The following SZT2 variants were observed in gnomAD, a reference collection of about 807,000 sequenced individuals.
SZT2 encodes the protein SZT2 subunit of KICSTOR complex, also known as KICSTOR complex protein SZT2.
SZT2 carries 216 observed loss-of-function variants against 404.2 expected under a neutral mutation model. That is an observed-to-expected ratio of 0.53 (90% CI 0.48 to 0.60). The LOEUF is 0.60. Ranked by LOEUF, SZT2 falls within the 20% of genes least tolerant of loss-of-function variation. SZT2 has a pLI of 0.00. For synonymous variants in SZT2, 1,693 were observed against 1,749.9 expected, an observed-to-expected ratio of 0.97 and a Z score of 0.81; for missense variants, 3,857 against 4,459.2, an observed-to-expected ratio of 0.86 and a Z score of 3.85.
intron 1 of SZT2, among the ~76,000 whole-genome samples, chr1:43,391,182 C>T (rs1004525685): frequency 2.6e-5 from 4 of 152,094 alleles, no homozygotes; most frequent in East Asian, 1.9e-4. Flanking sequence ...AGCATGGTGG[C>T]GCAGGCCTGT....
At chr1:43,416,911 G>C (rs1423357891) in intron 7 of SZT2, among the ~76,000 whole-genome samples, 1 of 152,154 alleles carries the variant, frequency 6.6e-6, no homozygotes. Flanking sequence ...ACCTCCCCTT[G>C]TAGATTAGTC....
At chr1:43,431,999 T>C (rs1653950381) in intron 36 of SZT2, 98 bp downstream of exon 36, 3 of 1,389,412 alleles carry the variant, frequency 2.2e-6, no homozygotes, top group Admixed American at 1.8e-5. Flanking sequence ...TTCGAACTCA[T>C]AGAGTTATCC....
At chr1:43,413,699 G>A (rs758296643) in intron 4 of SZT2, among the ~76,000 whole-genome samples, 3 of 150,624 alleles carry the variant, frequency 2.0e-5, no homozygotes, top group Non-Finnish European at 4.4e-5. Context: ...AATAAGCCAG[G>A]CACAGAAAGA....
chr1:43,403,743 A>T lies in SZT2; in HGVS notation c.296A>T (p.Glu99Val), dbSNP rs1390151138. 25 of 1,614,020 alleles carry T rather than the reference A, an allele frequency of 1.5e-5. No individual in the cohort carries two copies. The highest frequency in any genetic ancestry group is 2.1e-5 in the Non-Finnish European group (25 of 1,180,022). Residue 99 changes from glutamate to valine, a missense_variant, in exon 3 of 72, where the codon GAG becomes GTG. Glu to Val is a moderately radical substitution (Grantham distance 121). Around this residue, in one of 7 missense-constraint regions of SZT2, gnomAD observed 536 missense variants for 637.4 expected, o/e 0.84. Transcript: ENST00000634258. ...FLAWQYRFVIELDLSPSTGIV... is the reference protein window; with the variant it reads ...FLAWQYRFVIVLDLSPSTGIV... ...GCTTGGCAGTATCGGTTTGTCATTG[A>T]GTTGGACCTTAGCCCATCTACTGGC...
chr1:43,390,823 G>C (rs1353971290), intron 1 of SZT2, among the ~76,000 whole-genome samples: 1 of 152,226 alleles, frequency 6.6e-6, no homozygotes. Flanking sequence ...CCACCACCAG[G>C]AAAGGTGCCA....
rs745328236 is a variant in SZT2 at position 43,425,656 on chromosome 1, G to T, written c.2814+14G>T. The T allele has an allele frequency of 1.9e-6, 3 of 1,613,360 alleles. No individual in the cohort carries two copies. The highest frequency in any genetic ancestry group is 2.5e-6 in the Non-Finnish European group (3 of 1,179,948). On this transcript the variant is annotated intron_variant, in intron 19 of 71. Transcript: ENST00000634258. This position sits in a 1 kb window ranked among gnomAD's most constrained non-coding sequence, Gnocchi z 4.3. ...ATCCCGCAAGCTGTGAGTGTCCTCAGAACAGTACCCGCACCTCTCTCACTG... is the reference window on the plus strand; with the variant it reads ...ATCCCGCAAGCTGTGAGTGTCCTCATAACAGTACCCGCACCTCTCTCACTG...
At position 43,451,501 on chromosome 1, in the gene SZT2, G is replaced by A; in HGVS notation, c.*1021G>A. ...AGGGGAAATTCAGCTCTCCGGGGCT[G>A]CTGGGCTCCCCTCGGCCTGGGACCT... On this transcript the variant is annotated 3_prime_UTR_variant, in exon 72 of 72. Transcript: ENST00000634258. 1.2e-6 allele frequency: 2 copies of A among 1,614,138 alleles called. No homozygotes were observed. Among genetic ancestry groups the A allele is most frequent in the Non-Finnish European group, 1.7e-6 (2 of 1,180,036 alleles).
At chr1:43,415,313 T>C in intron 5 of SZT2, 100 bp downstream of exon 5, 4 of 1,463,698 alleles carry the variant, frequency 2.7e-6, no homozygotes, top group Non-Finnish European at 3.7e-6. Flanking sequence ...AAAAAAGGGC[T>C]AAGAGCTGGG....
chr1:43,391,872 G>C (rs1483045182), intron 1 of SZT2, among the ~76,000 whole-genome samples: 1 of 20,006 alleles, frequency 5.0e-5, no homozygotes, highest in Non-Finnish European at 1.1e-4. Context: ...ACGAGGTCAG[G>C]AGATCGAGAC....
At chr1:43,440,705 A>C in intron 52 of SZT2, 119 bp downstream of exon 52, 1 of 1,336,040 alleles carries the variant, frequency 7.5e-7, no homozygotes, top group Non-Finnish European at 9.8e-7. Flanking sequence ...TTCATATAAA[A>C]CTGCTCTGTC....
chr1:43,421,113 G>T, intron 10 of SZT2, 61 bp from the exon 11 acceptor site: 1 of 1,596,744 alleles, frequency 6.3e-7, no homozygotes, highest in Non-Finnish European at 8.5e-7. Context: ...TCCCCCTAAG[G>T]CTCCCCTCAT....
In SZT2 at chr1:43,437,801, C is replaced by T. The variant is rs777287421; in HGVS notation, c.6407C>T (p.Ser2136Phe). 25 of 1,614,074 alleles carry T rather than the reference C, an allele frequency of 1.5e-5. No individual in the cohort carries two copies. The highest frequency in any genetic ancestry group is 7.7e-5 in the South Asian group (7 of 91,084). Residue 2136 changes from serine to phenylalanine, a missense_variant, in exon 46 of 72, where the codon TCT becomes TTT. Physicochemically the swap from Ser to Phe is radical, Grantham distance 155. Around this residue, in one of 7 missense-constraint regions of SZT2, gnomAD observed 261 missense variants for 372.9 expected, o/e 0.70. Coordinates refer to ENST00000634258, the MANE Select transcript of SZT2 (RefSeq NM_001365999.1). This position sits in a 1 kb window ranked among gnomAD's most constrained non-coding sequence, Gnocchi z 5.3. ...CAGTTTTCCCTGTAGGGTCCTCGTT[C>T]TCCCTTAGACATGGTCTCTAGCCGC... ...IYSEEASGPR[S>F]PLDMVSSRSS... is the part of the protein sequence containing the mutation.
intron 4 of SZT2, among the ~76,000 whole-genome samples, chr1:43,407,912 A>T (rs966215873): frequency 2.0e-5 from 3 of 146,436 alleles, no homozygotes; most frequent in Non-Finnish European, 4.5e-5. Context: ...GGTTCACTGC[A>T]ACCTCCACCT....
At position 43,441,108 on chromosome 1, in the gene SZT2, A is replaced by G. The variant is rs1655012605; in HGVS notation, c.7345-106A>G. The stretch of plus-strand genomic sequence containing the variant: ...CAGCCCCTGGGGAAGCCAGGGTCTG[A>G]ACCCAGACCTCTGAATCCTCCTAGC... On this transcript the variant is annotated intron_variant, in intron 52 of 71. Transcript: ENST00000634258. The surrounding 1 kb of genome is among the most constrained non-coding windows in gnomAD (Gnocchi z 4.8). The G allele has an allele frequency of 4.2e-6, 6 of 1,424,500 alleles. No homozygotes were observed. In the African/African-American group the frequency reaches 5.7e-5, roughly 13 times the overall value. 88.2% of individuals were successfully genotyped at this position (1,424,500 alleles called of 1,614,324 possible). A position where few individuals can be genotyped will look rare whatever the true frequency, so the allele number is the denominator to read the frequency against.
Position 43,452,532 on chromosome 1 carries a change from G to A in SZT2, c.*2052G>A, listed in dbSNP as rs577356232. On this transcript the variant is annotated 3_prime_UTR_variant, in exon 72 of 72. Coordinates refer to ENST00000634258, the MANE Select transcript of SZT2 (RefSeq NM_001365999.1). ...CCAGACATCTCAGTGTCCACCCACC[G>A]CCTCCTGCCTCCAGTACTTTCCAAA... The A allele has an allele frequency of 6.9e-5, 45 of 656,300 alleles. No homozygotes were observed. The highest frequency in any genetic ancestry group is 3.6e-4 in the African/African-American group (20 of 56,254). 40.7% of individuals were successfully genotyped at this position (656,300 alleles called of 1,614,324 possible).
rs774199219 is a variant in SZT2, at chr1:43,443,593, A to T, written c.8626-4A>T. ...AGAGTCTTCCTTGATCTTTACTCTC[A>T]TAGCGGCGCCATCGCCCTGAGTCAG... On this transcript the variant is annotated splice_region_variant and splice_polypyrimidine_tract_variant and intron_variant, in intron 61 of 71. Coordinates refer to ENST00000634258, the MANE Select transcript of SZT2 (RefSeq NM_001365999.1). 5.0e-5 allele frequency: 80 copies of T among 1,613,928 alleles called. No individual in the cohort carries two copies. The highest frequency in any genetic ancestry group is 6.4e-5 in the Non-Finnish European group (75 of 1,180,032).
Position 43,452,898 on chromosome 1 carries a change from C to T in SZT2, c.*2418C>T, listed in dbSNP as rs200047427. 2.0e-4 allele frequency: 316 copies of T among 1,596,578 alleles called. No homozygotes were observed. Among genetic ancestry groups the T allele is most frequent in the Non-Finnish European group, 2.6e-4 (301 of 1,172,546 alleles). ...CAGGCCTCCCCATCCCAACAGGCTA[C>T]ATACATGTCCAGCCTCAGGAACGCT... On this transcript the variant is annotated 3_prime_UTR_variant, in exon 72 of 72. Transcript: ENST00000634258.
chr1:43,421,648 AC>A (rs1239487551), intron 11 of SZT2, among the ~76,000 whole-genome samples: 2 of 152,230 alleles, frequency 1.3e-5, no homozygotes, highest in African/African-American at 4.8e-5. Flanking sequence ...TGCATCCACC[AC>A]CAGCCACCAT....
At chr1:43,408,831 G>A (rs1427446287) in intron 4 of SZT2, among the ~76,000 whole-genome samples, 1 of 152,080 alleles carries the variant, frequency 6.6e-6, no homozygotes, top group Non-Finnish European at 1.5e-5. Flanking sequence ...GTGAGACAAT[G>A]TCCCACTTTC....
Sources: allele counts gnomAD v4.1 joint callset (sites outside exome capture counted in the v4.1 genomes callset), GRCh38; gene constraint gnomAD v4.1.1; regional missense constraint gnomAD v4.1.1; non-coding constraint Gnocchi (gnomAD v3.1); transcripts MANE v1.5; gene names NCBI Gene and HGNC (gene_info 2026-07-23, HGNC 2026-07-21).